LSAMP: variants seen among roughly 807,000 people sequenced by gnomAD.
LSAMP encodes limbic system associated membrane protein.
A neutral mutation model predicts 38.6 loss-of-function variants in LSAMP; 7 were observed. The ratio of observed to expected loss-of-function variants is 0.18; its 90% CI spans 0.10 to 0.34. The LOEUF is 0.34. Ranked by LOEUF, LSAMP falls within the 10% of genes least tolerant of loss-of-function variation. The pLI, the probability that LSAMP is intolerant of heterozygous loss-of-function variation, is 1.00. For synonymous variants in LSAMP, 154 were observed against 166.8 expected (o/e 0.92, Z 0.59); for missense variants, 313 against 420.0 (o/e 0.75, Z 2.23).
chr3:115,939,570 T>TTCTTTCTTTCTTTCTCTTTCTTTCTTTC, intron 3 of LSAMP, among the ~76,000 whole-genome samples: 1 of 136,886 alleles, frequency 7.3e-6, no homozygotes, highest in East Asian at 2.3e-4. Context: ...CTTTCTTTCT[T>TTCTTTCTTTCTTTCTCTTTCTTTCTTTC]TCTTTCTTTC....
intron 1 of LSAMP, among the ~76,000 whole-genome samples, chr3:116,441,767 G>A (rs1012284211): frequency 6.6e-6 from 1 of 152,042 alleles, no homozygotes; most frequent in African/African-American, 2.4e-5. Flanking sequence ...GAAGTCCTGC[G>A]GATAAGCGTG....
chr3:116,208,796 T>C (rs1225330187), intron 1 of LSAMP, among the ~76,000 whole-genome samples: 1 of 152,204 alleles, frequency 6.6e-6, no homozygotes, highest in Admixed American at 6.5e-5. Context: ...ACCACTGCTC[T>C]CTTCAGAGCT....
At chr3:116,243,072 C>T (rs974954447) in intron 1 of LSAMP, among the ~76,000 whole-genome samples, 1 of 152,148 alleles carries the variant, frequency 6.6e-6, no homozygotes, top group Non-Finnish European at 1.5e-5. Context: ...TTAGTCACGG[C>T]AGGAAGCTAC....
intron 1 of LSAMP, among the ~76,000 whole-genome samples, chr3:116,168,538 C>T (rs6800719): frequency 0.97 from 147,286 of 152,286 alleles, 71,417 homozygotes; most frequent in East Asian, 1. Flanking sequence ...CCCAAAAGTC[C>T]TGTGGAGAAA....
intron 2 of LSAMP, among the ~76,000 whole-genome samples, chr3:116,061,080 G>A (rs1209484103): frequency 6.6e-6 from 1 of 151,918 alleles, no homozygotes; most frequent in African/African-American, 2.4e-5. Flanking sequence ...GAGACCGCTG[G>A]GACATCTAAC....
chr3:116,175,975 G>A (rs564158764), intron 1 of LSAMP, among the ~76,000 whole-genome samples: 16 of 152,198 alleles, frequency 1.1e-4, no homozygotes, highest in South Asian at 8.3e-4. Context: ...ACACAGAATC[G>A]TAAAAATTAA....
At chr3:116,223,478 A>G (rs1024573874) in intron 1 of LSAMP, among the ~76,000 whole-genome samples, 2 of 152,232 alleles carry the variant, frequency 1.3e-5, no homozygotes, top group African/African-American at 4.8e-5. Context: ...TTAAAATAAT[A>G]TGAAGCCACT....
chr3:116,307,665 AG>A (rs35842194), intron 1 of LSAMP, among the ~76,000 whole-genome samples: 2 of 151,986 alleles, frequency 1.3e-5, no homozygotes, highest in Non-Finnish European at 2.9e-5. Flanking sequence ...CCAACAATAA[AG>A]GACTAGTTAA....
chr3:116,214,848 T>C (rs936210103), intron 1 of LSAMP, among the ~76,000 whole-genome samples: 2 of 151,846 alleles, frequency 1.3e-5, no homozygotes, highest in African/African-American at 4.8e-5. Flanking sequence ...AGGGGAGAGG[T>C]ATGACAGGGT....
intron 1 of LSAMP, among the ~76,000 whole-genome samples, chr3:116,298,246 C>T (rs1399141818): frequency 2.6e-5 from 4 of 152,194 alleles, no homozygotes; most frequent in Non-Finnish European, 5.9e-5. Context: ...CTGGTTCCAA[C>T]AGAAATCCCT....
intron 3 of LSAMP, among the ~76,000 whole-genome samples, chr3:115,986,745 G>A (rs1215219540): frequency 1.3e-5 from 2 of 152,100 alleles, no homozygotes; most frequent in Non-Finnish European, 2.9e-5. Context: ...CAGAAGCTCA[G>A]CAACAATCAT....
At chr3:116,110,113 G>A (rs1041104821) in intron 1 of LSAMP, among the ~76,000 whole-genome samples, 6 of 152,082 alleles carry the variant, frequency 3.9e-5, no homozygotes, top group African/African-American at 1.4e-4. Context: ...TAAGGGTGAA[G>A]GAGAAGGGGT....
chr3:116,172,009 C>G (rs1169511571), intron 1 of LSAMP, among the ~76,000 whole-genome samples: 1 of 151,884 alleles, frequency 6.6e-6, no homozygotes, highest in East Asian at 1.9e-4. Flanking sequence ...TTTTAGTGCA[C>G]AATTTTATTG....
chr3:116,278,314 T>C (rs375246267), intron 1 of LSAMP, among the ~76,000 whole-genome samples: 7 of 152,198 alleles, frequency 4.6e-5, no homozygotes, highest in Non-Finnish European at 8.8e-5. Flanking sequence ...TCCTAGATTA[T>C]ATATTGTCTA....
intron 1 of LSAMP, among the ~76,000 whole-genome samples, chr3:116,112,030 A>C (rs749259696): frequency 6.6e-6 from 1 of 152,230 alleles, no homozygotes; most frequent in African/African-American, 2.4e-5. Context: ...ATAATTACTC[A>C]ATGGGATTAA....
chr3:116,074,087 C>T (rs1559732316), intron 2 of LSAMP, among the ~76,000 whole-genome samples: 1 of 152,168 alleles, frequency 6.6e-6, no homozygotes, highest in Non-Finnish European at 1.5e-5. Context: ...ACAAGTGCCA[C>T]CAATTACCTG....
At chr3:116,101,003 CTT>C (rs1708335205) in intron 1 of LSAMP, among the ~76,000 whole-genome samples, 1 of 152,158 alleles carries the variant, frequency 6.6e-6, no homozygotes, top group African/African-American at 2.4e-5. Context: ...CATTTTAAGT[CTT>C]TGTTTTTCTG....
intron 2 of LSAMP, among the ~76,000 whole-genome samples, chr3:116,066,096 A>G (rs1445202981): frequency 6.6e-6 from 1 of 152,184 alleles, no homozygotes; most frequent in East Asian, 1.9e-4. Flanking sequence ...GAGAAGTCAA[A>G]GATCAAGGTG....
chr3:116,051,075 T>G (rs1353778946), intron 2 of LSAMP: 1 of 152,156 alleles, frequency 6.6e-6, no homozygotes, highest in Non-Finnish European at 1.5e-5. Flanking sequence ...AGGGACATAT[T>G]TGGGAGCCTC....
Sources: allele counts gnomAD v4.1 joint callset (sites outside exome capture counted in the v4.1 genomes callset), GRCh38; gene constraint gnomAD v4.1.1; transcripts MANE v1.5; gene names NCBI Gene and HGNC (gene_info 2026-07-23, HGNC 2026-07-21).